The following TENM2 variants were observed in gnomAD, a reference collection of about 807,000 sequenced individuals.
The protein encoded by TENM2 is teneurin-2.
A neutral mutation model predicts 245.2 loss-of-function variants in TENM2; 52 were observed. The ratio of observed to expected loss-of-function variants is 0.21; its 90% confidence interval spans 0.17 to 0.27. The LOEUF (loss-of-function observed/expected upper bound fraction) is 0.27, where lower values mean the gene tolerates loss of function less well. Ranked by LOEUF, TENM2 falls within the 10% of genes least tolerant of loss-of-function variation. TENM2 has a pLI of 1.00. For missense variants in TENM2, 3,046 were observed against 3,666.8 expected, an observed-to-expected ratio of 0.83 and a Z score of 4.37; for synonymous variants, 1,363 against 1,438.9, an observed-to-expected ratio of 0.95 and a Z score of 1.19.
At chr5:167,221,491 G>T in the TENM2 span, among the ~76,000 whole-genome samples, 35 of 152,280 alleles carry the variant, frequency 2.3e-4, no homozygotes, top group Non-Finnish European at 4.1e-4. Context: ...CCTGTGGATG[G>T]CTGCTTTCCA....
chr5:167,589,112 G>A lies in TENM2; in HGVS notation c.502+213639G>A, dbSNP rs530077684. On this transcript the variant is annotated intron_variant, in intron 2 of 28. Coordinates refer to ENST00000518659, the Ensembl canonical transcript of TENM2. ...AGCTACTTGGGATGCTGAGGCATGAGAATCACTTGTACATGGGAGGTGGAG... is the reference window on the plus strand; with the variant it reads ...AGCTACTTGGGATGCTGAGGCATGAAAATCACTTGTACATGGGAGGTGGAG... Among the ~76,000 whole-genome samples the A allele has an allele frequency of 1.1e-3, 170 of 151,048 alleles. 2 individuals carry two copies. The highest frequency in any genetic ancestry group is 4.0e-3 in the African/African-American group (163 of 41,088).
intron 2 of TENM2, among the ~76,000 whole-genome samples, chr5:167,491,720 C>A (rs1342718376): frequency 6.6e-6 from 1 of 152,130 alleles, no homozygotes; most frequent in Non-Finnish European, 1.5e-5. Context: ...TTTGAACAGT[C>A]CACAAGGTGT....
In TENM2 at chr5:167,877,410, C is replaced by T. The variant is rs542477430; in HGVS notation, c.712+1215C>T. Reference sequence around the variant, plus strand: ...CATATTCTTTTTCAAAAAAAATTACCTAATCAAATCTCTCATCAGATGAGC... The same window carrying T: ...CATATTCTTTTTCAAAAAAAATTACTTAATCAAATCTCTCATCAGATGAGC... On this transcript the variant is annotated intron_variant, in intron 3 of 28. Coordinates refer to ENST00000518659, the Ensembl canonical transcript of TENM2. Among the ~76,000 whole-genome samples the T allele has an allele frequency of 1.2e-4, 18 of 152,274 alleles. No individual in the cohort carries two copies. In the East Asian group the frequency reaches 3.3e-3, roughly 28 times the overall value.
At chr5:168,055,358 T>C (rs1321027929) in intron 6 of TENM2, among the ~76,000 whole-genome samples, 2 of 152,202 alleles carry the variant, frequency 1.3e-5, no homozygotes, top group Admixed American at 1.3e-4. Flanking sequence ...GTTAAATAAA[T>C]AAAATCTGGC....
chr5:168,131,463 C>T (rs1754572907), intron 12 of TENM2, among the ~76,000 whole-genome samples: 1 of 152,130 alleles, frequency 6.6e-6, no homozygotes, highest in South Asian at 2.1e-4. Flanking sequence ...TCTATTTTTC[C>T]TCTTTAATTG....
intron 25 of TENM2, among the ~76,000 whole-genome samples, chr5:168,240,441 A>T (rs944181778): frequency 4.6e-5 from 7 of 152,198 alleles, no homozygotes; most frequent in African/African-American, 1.4e-4. Flanking sequence ...TCTACCACTG[A>T]GTATTTATCT....
At chr5:167,365,606 A>G (rs2127280613) in intron 1 of TENM2, among the ~76,000 whole-genome samples, 1 of 152,104 alleles carries the variant, frequency 6.6e-6, no homozygotes, top group Non-Finnish European at 1.5e-5. Context: ...AAAGTCATAA[A>G]TGTTTGTGAA....
chr5:167,612,358 T>C (rs1243833819), intron 2 of TENM2, among the ~76,000 whole-genome samples: 1 of 152,094 alleles, frequency 6.6e-6, no homozygotes, highest in Non-Finnish European at 1.5e-5. Context: ...CCCCCAAAGA[T>C]AAGTTAATGT....
At chr5:167,314,676 C>T (rs1176499270) in intron 1 of TENM2, among the ~76,000 whole-genome samples, 1 of 151,950 alleles carries the variant, frequency 6.6e-6, no homozygotes, top group Admixed American at 6.6e-5. Context: ...AGTTGATGAA[C>T]AATTTGTTTG....
chr5:167,986,071 T>TA (rs1211348046), intron 4 of TENM2, among the ~76,000 whole-genome samples: 40 of 152,224 alleles, frequency 2.6e-4, no homozygotes, highest in Admixed American at 2.6e-3. Context: ...GGTTTCTTTT[T>TA]AAAATCTTTC....
chr5:167,597,984 G>A (rs940303036), intron 2 of TENM2, among the ~76,000 whole-genome samples: 1 of 152,150 alleles, frequency 6.6e-6, no homozygotes, highest in Non-Finnish European at 1.5e-5. Flanking sequence ...GTGAATAACA[G>A]AATACAACAC....
intron 2 of TENM2, among the ~76,000 whole-genome samples, chr5:167,379,166 T>C (rs1423935268): frequency 1.3e-5 from 2 of 152,170 alleles, no homozygotes; most frequent in African/African-American, 4.8e-5. Context: ...TTGGGTTAAT[T>C]CCATTGCATT....
At chr5:167,467,692 T>C (rs1029619406) in intron 2 of TENM2, among the ~76,000 whole-genome samples, 6 of 152,160 alleles carry the variant, frequency 3.9e-5, no homozygotes, top group Admixed American at 1.3e-4. Flanking sequence ...AATAAGAACA[T>C]ATTTTATAGA....
At chr5:168,167,442 G>C (rs1758404611) in intron 13 of TENM2, among the ~76,000 whole-genome samples, 1 of 152,166 alleles carries the variant, frequency 6.6e-6, no homozygotes. Context: ...CGGCATCGGA[G>C]TGAGTCTGAA....
chr5:167,186,594 A>G, the TENM2 span, among the ~76,000 whole-genome samples: 4 of 152,188 alleles, frequency 2.6e-5, no homozygotes, highest in Non-Finnish European at 4.4e-5. Context: ...CCCTTGGGAC[A>G]ATGTGTAGTT....
At position 167,457,611 on chromosome 5, in the gene TENM2, G is replaced by T. The variant is rs1310183387; in HGVS notation, c.502+82138G>T. Among the ~76,000 whole-genome samples, 5 of 152,260 alleles carry T rather than the reference G, an allele frequency of 3.3e-5. No homozygotes were observed. In the East Asian group the frequency reaches 9.7e-4, roughly 29 times the overall value. ...ATCTGCCCACTCGGCCTCCCAAAGT[G>T]CTGGGATTACAGGCATGAGCTACCA... On this transcript the variant is annotated intron_variant, in intron 2 of 28. Transcript: ENST00000518659.
intron 4 of TENM2, among the ~76,000 whole-genome samples, chr5:167,991,938 C>A (rs910136182): frequency 1.3e-5 from 2 of 152,118 alleles, no homozygotes; most frequent in African/African-American, 4.8e-5. Flanking sequence ...GAGATTCTGC[C>A]ATAAAAATGG....
At chr5:167,765,675 T>C (rs1762967520) in intron 2 of TENM2, among the ~76,000 whole-genome samples, 1 of 152,218 alleles carries the variant, frequency 6.6e-6, no homozygotes, top group African/African-American at 2.4e-5. Context: ...TCTTGGGCTT[T>C]GGTAATATTC....
exon 29 of TENM2, chr5:168,262,733 G>C (rs567828843): frequency 1.2e-6 from 2 of 1,611,000 alleles, no homozygotes; most frequent in Non-Finnish European, 1.7e-6. Flanking sequence ...CGTGCTTCCC[G>C]TGGAGCAATA....
Sources: allele counts gnomAD v4.1 joint callset (sites outside exome capture counted in the v4.1 genomes callset), GRCh38; gene constraint gnomAD v4.1.1; transcripts MANE v1.5; gene names NCBI Gene and HGNC (gene_info 2026-07-23, HGNC 2026-07-21).